Variants in PLCH1 observed in about 807,000 individuals in gnomAD.
The protein encoded by PLCH1 is 1-phosphatidylinositol 4,5-bisphosphate phosphodiesterase eta-1.
Under a neutral mutation model 126.7 loss-of-function variants are expected in PLCH1, and 60 were observed. The observed-to-expected ratio is 0.47, with a 90% CI of 0.38 to 0.59. The LOEUF (loss-of-function observed/expected upper bound fraction) is 0.59. Ranked by LOEUF, PLCH1 falls within the 20% of genes least tolerant of loss-of-function variation. PLCH1 has a pLI of 0.00. For missense variants in PLCH1, 1,723 were observed against 2,040.0 expected (o/e 0.84, Z 2.99); for synonymous variants, 719 against 734.9 (o/e 0.98, Z 0.35).
chr3:155,451,952 C>G (rs1295451288), intron 21 of PLCH1, among the ~76,000 whole-genome samples: 1 of 152,064 alleles, frequency 6.6e-6, no homozygotes, highest in Admixed American at 6.6e-5. Context: ...CTTCTCAGTC[C>G]CCATAATCAC....
chr3:155,654,338 C>T (rs1741116922), intron 2 of PLCH1, among the ~76,000 whole-genome samples: 1 of 152,006 alleles, frequency 6.6e-6, no homozygotes. Context: ...GTGATCCTAG[C>T]AAGTACCATG....
intron 2 of PLCH1, among the ~76,000 whole-genome samples, chr3:155,654,756 T>A (rs1741158390): frequency 6.6e-6 from 1 of 152,150 alleles, no homozygotes; most frequent in Non-Finnish European, 1.5e-5. Context: ...CCCTGTCTCC[T>A]CTCATCTCAT....
intron 10 of PLCH1, among the ~76,000 whole-genome samples, chr3:155,549,346 C>G (rs1313898198): frequency 6.6e-6 from 1 of 152,164 alleles, no homozygotes; most frequent in Non-Finnish European, 1.5e-5. Flanking sequence ...ATAACCAAGA[C>G]TGATCAACCA....
At chr3:155,693,497 A>C (rs1745568508) in intron 2 of PLCH1, among the ~76,000 whole-genome samples, 1 of 151,478 alleles carries the variant, frequency 6.6e-6, no homozygotes. Flanking sequence ...AAAAAAAAAG[A>C]AAGCACAGAC....
intron 4 of PLCH1, among the ~76,000 whole-genome samples, chr3:155,592,045 A>G (rs181090765): frequency 1.8e-3 from 281 of 152,148 alleles, no homozygotes; most frequent in Non-Finnish European, 4.9e-4. Context: ...GAGAGAGATC[A>G]AAGTTTAATT....
Position 155,594,034 on chromosome 3 carries a change from T to C in PLCH1, c.377A>G (p.Glu126Gly). The C allele has an allele frequency of 1.9e-6, 3 of 1,613,936 alleles. No individual in the cohort carries two copies. The South Asian group carries it at 3.3e-5, about 18-fold the overall frequency. Reference protein sequence around the residue: ...ESLDLITSNPEEARTWITGLK... With the variant: ...ESLDLITSNPGEARTWITGLK... The stretch of plus-strand genomic sequence containing the variant: ...GCCTGTGATCCAGGTGCGGGCCTCC[T>C]CGGGGTTGGAGGTGATGAGGTCCAG... Residue 126 changes from glutamate to glycine, a missense_variant, in exon 4 of 23, where the codon GAG becomes GGG. Physicochemically the swap from Glu to Gly is moderately conservative, Grantham distance 98. Coordinates refer to ENST00000460012, the MANE Select transcript of PLCH1 (RefSeq NM_014996.4).
chr3:155,518,603 C>T (rs1381905212), intron 11 of PLCH1, among the ~76,000 whole-genome samples: 2 of 152,198 alleles, frequency 1.3e-5, no homozygotes, highest in Non-Finnish European at 2.9e-5. Context: ...AATACATCAT[C>T]ACAATCCCTC....
intron 21 of PLCH1, among the ~76,000 whole-genome samples, chr3:155,469,770 T>C (rs1237954022): frequency 6.6e-6 from 1 of 151,890 alleles, no homozygotes; most frequent in African/African-American, 2.4e-5. Context: ...CCCTGACCCC[T>C]GACCCCTGAG....
chr3:155,478,485 T>A (rs1713644507), downstream of PLCH1, among the ~76,000 whole-genome samples: 1 of 152,168 alleles, frequency 6.6e-6, no homozygotes. Flanking sequence ...TTATTTCACA[T>A]TGCATGCCTA....
chr3:155,454,904 G>T (rs1483311217), intron 21 of PLCH1, among the ~76,000 whole-genome samples: 1 of 152,154 alleles, frequency 6.6e-6, no homozygotes, highest in Non-Finnish European at 1.5e-5. Context: ...AAGATGAGGT[G>T]GGTCATTATT....
chr3:155,450,947 T>C (rs1712293178), intron 21 of PLCH1, among the ~76,000 whole-genome samples: 1 of 152,160 alleles, frequency 6.6e-6, no homozygotes, highest in Admixed American at 6.5e-5. Flanking sequence ...TAGAGAAAAT[T>C]TGTTTATTTA....
intron 21 of PLCH1, among the ~76,000 whole-genome samples, chr3:155,458,769 G>A (rs529572455): frequency 5.3e-5 from 8 of 152,262 alleles, no homozygotes; most frequent in Non-Finnish European, 7.4e-5. Context: ...TCTGAGATGC[G>A]ATGGTTTTAT....
chr3:155,601,607 A>G (rs1407819403), intron 2 of PLCH1, among the ~76,000 whole-genome samples: 1 of 152,162 alleles, frequency 6.6e-6, no homozygotes, highest in Non-Finnish European at 1.5e-5. Flanking sequence ...TATGTATGAC[A>G]TCTAAGAAGG....
chr3:155,725,522 A>G (rs1433883640), intron 1 of PLCH1, among the ~76,000 whole-genome samples: 3 of 149,636 alleles, frequency 2.0e-5, no homozygotes, highest in East Asian at 2.0e-4. Context: ...ATCTCAGCTC[A>G]CTGCAACCTC....
At position 155,526,268 on chromosome 3, in the gene PLCH1, T is replaced by TG. The variant is rs1249991673; in HGVS notation, c.1363-2265dup. The stretch of plus-strand genomic sequence containing the variant: ...ACCTAGTGCCCGACATCTAATGAAC[T>TG]GAGTACAGCAAAAGTGATGGGAGGT... On this transcript the variant is annotated intron_variant, in intron 10 of 22. Transcript: ENST00000460012. Among the ~76,000 whole-genome samples the TG allele has an allele frequency of 8.5e-5, 13 of 152,248 alleles. No homozygotes were observed. In the East Asian group the frequency reaches 2.1e-3, roughly 25 times the overall value.
chr3:155,732,877 C>CA (rs71155063), intron 1 of PLCH1, among the ~76,000 whole-genome samples: 9,524 of 79,892 alleles, frequency 0.12, 625 homozygotes, highest in Non-Finnish European at 0.14. Context: ...GACTGCATCT[C>CA]AAAAAAAAAA....
chr3:155,590,893 CT>C (rs143610742), intron 4 of PLCH1, among the ~76,000 whole-genome samples: 3,135 of 152,216 alleles, frequency 0.021, 123 homozygotes, highest in African/African-American at 0.072. Flanking sequence ...TATTATTTCT[CT>C]TTTATTCCTT....
At chr3:155,658,586 G>A (rs1465249849) in intron 2 of PLCH1, 1 of 152,012 alleles carries the variant, frequency 6.6e-6, no homozygotes, top group Non-Finnish European at 1.5e-5. Context: ...GACGAATAGA[G>A]TTTATCCCCA....
intron 2 of PLCH1, among the ~76,000 whole-genome samples, chr3:155,626,424 T>A (rs1470275292): frequency 6.6e-6 from 1 of 151,820 alleles, no homozygotes; most frequent in Non-Finnish European, 1.5e-5. Context: ...CATTCCAGAG[T>A]AGAATTTCAC....
Sources: allele counts gnomAD v4.1 joint callset (sites outside exome capture counted in the v4.1 genomes callset), GRCh38; gene constraint gnomAD v4.1.1; transcripts MANE v1.5; gene names NCBI Gene and HGNC (gene_info 2026-07-23, HGNC 2026-07-21).